The following MOBP variants were observed in gnomAD, a reference collection of about 807,000 sequenced individuals.
MOBP encodes the protein myelin-associated oligodendrocyte basic protein.
A neutral mutation model predicts 15.0 loss-of-function variants in MOBP; 5 were observed. The ratio of observed to expected loss-of-function variants is 0.33; its 90% CI spans 0.17 to 0.70. MOBP has a LOEUF of 0.70. Among genes scored for constraint, MOBP ranks in the 30% least tolerant of loss-of-function variants. The probability of loss-of-function intolerance (pLI) is 0.67; values close to 1 mark genes in which losing one functional copy is unlikely to be tolerated. For missense variants in MOBP, 188 were observed against 257.8 expected, an observed-to-expected ratio of 0.73 and a Z score of 1.85; for synonymous variants, 88 against 99.0, an observed-to-expected ratio of 0.89 and a Z score of 0.66.
At chr3:39,469,044 ATATG>A (rs2042410864) in intron 1 of MOBP, among the ~76,000 whole-genome samples, 1 of 83,582 alleles carries the variant, frequency 1.2e-5, no homozygotes, top group Non-Finnish European at 2.1e-5. Context: ...ACATATATAC[ATATG>A]TGTGTGTATA....
chr3:39,497,716 G>A (rs1349085237), intron 2 of MOBP, among the ~76,000 whole-genome samples: 2 of 152,158 alleles, frequency 1.3e-5, no homozygotes, highest in African/African-American at 2.4e-5. Flanking sequence ...TTACTTCTTC[G>A]CTGTTAGTTA....
rs1356290083 is a variant in MOBP at position 39,502,029 on chromosome 3, A to G, written c.-4-37A>G. 6.4e-7 allele frequency: 1 copy of G among 1,571,320 alleles called. No homozygotes were observed. The highest frequency in any genetic ancestry group is 8.8e-7 in the Non-Finnish European group (1 of 1,142,834). On this transcript the variant is annotated intron_variant, in intron 2 of 3. Transcript: ENST00000684792. This position sits in a 1 kb window ranked among gnomAD's most constrained non-coding sequence, Gnocchi z 6.3. ...GGGCTCCCTTTCCTGATGTGCGTTT[A>G]TGTCTCCTCCTGTCTCCTTGCATCG... is the stretch of plus-strand genomic sequence containing the variant.
rs576854740 is a variant in MOBP at position 39,483,229 on chromosome 3, G to T, written c.-5+3106G>T. Among the ~76,000 whole-genome samples the T allele has an allele frequency of 9.9e-5, 15 of 152,278 alleles. No individual in the cohort carries two copies. In the South Asian group the frequency reaches 2.3e-3, roughly 23 times the overall value. ...GTACTCAGTGACTGCTTTTTTGAAT[G>T]AATGAATGGTTTTAATATAACATGG... On this transcript the variant is annotated intron_variant, in intron 2 of 3. Transcript: ENST00000684792.
At chr3:39,524,915 A>G (rs2043307081), downstream of MOBP, 1 of 152,214 alleles carries the variant, frequency 6.6e-6, no homozygotes, top group African/African-American at 2.4e-5. Context: ...AATTTAGAGG[A>G]CAAAATAAGG....
chr3:39,480,858 A>T (rs1575289401), intron 2 of MOBP, among the ~76,000 whole-genome samples: 1 of 152,168 alleles, frequency 6.6e-6, no homozygotes, highest in Admixed American at 6.5e-5. Context: ...CAGTACCTCA[A>T]ACTACTCCAT....
intron 3 of MOBP, among the ~76,000 whole-genome samples, chr3:39,521,032 C>A (rs1183523357): frequency 6.6e-6 from 1 of 152,032 alleles, no homozygotes; most frequent in Non-Finnish European, 1.5e-5. Context: ...CTGCAACAAC[C>A]TCTGCCTCCC....
chr3:39,480,434 C>T lies in MOBP; in HGVS notation c.-5+311C>T, dbSNP rs113335799. 2.2e-3 allele frequency among the ~76,000 whole-genome samples: 329 copies of T among 152,296 alleles called. 1 individual carries two copies. The highest frequency in any genetic ancestry group is 6.6e-3 in the Admixed American group (101 of 15,302). ...CATTCTCTGATAAACAGACTTCCTC[C>T]CTTTATATTCCCAAACTTTCTGCAG... On this transcript the variant is annotated intron_variant, in intron 2 of 3. Transcript: ENST00000684792.
intron 2 of MOBP, among the ~76,000 whole-genome samples, chr3:39,494,469 G>GT (rs144456255): frequency 1.2e-4 from 18 of 147,024 alleles, no homozygotes; most frequent in East Asian, 2.0e-4. Flanking sequence ...TTTCAAATTT[G>GT]TTTTTTTTTT....
intron 4 of MOBP, among the ~76,000 whole-genome samples, chr3:39,508,934 G>A (rs988733732): frequency 1.3e-5 from 2 of 151,962 alleles, no homozygotes; most frequent in African/African-American, 2.4e-5. Context: ...CCCAGCCTTG[G>A]ATGAACACAA....
At chr3:39,521,641 G>A (rs2043268369) in intron 3 of MOBP, among the ~76,000 whole-genome samples, 2 of 152,076 alleles carry the variant, frequency 1.3e-5, no homozygotes, top group African/African-American at 2.4e-5. Flanking sequence ...TGGCCAACAG[G>A]GTTAATATTT....
chr3:39,475,691 A>C (rs990869344), intron 1 of MOBP, among the ~76,000 whole-genome samples: 8 of 152,082 alleles, frequency 5.3e-5, no homozygotes, highest in African/African-American at 1.7e-4. Flanking sequence ...CTTCTTGCTC[A>C]AATAACTTTG....
At position 39,502,545 on chromosome 3, in the gene MOBP, C is replaced by T. The variant is rs753773041; in HGVS notation, c.217C>T (p.Arg73Cys). ...CACQKTRTSR[R>C]AKSPQRPKQQ... ...TTTTGGCCCTCTCAGAACCAGCCGC[C>T]GTGCCAAGTCCCCTCAGAGGCCCAA... Residue 73 changes from arginine (R) to cysteine (C), a missense_variant, in exon 4 of 4, where the codon CGT (arginine) becomes TGT (cysteine). This residue lies in a region of MOBP where 133 missense variants were observed against 212.5 expected (regional missense o/e 0.63). Transcript: ENST00000684792. The surrounding 1 kb of genome is among the most constrained non-coding windows in gnomAD (Gnocchi z 6.3). 1.1e-5 allele frequency: 17 copies of T among 1,579,160 alleles called. No homozygotes were observed. Among genetic ancestry groups the T allele is most frequent in the African/African-American group, 1.3e-5 (1 of 74,464 alleles).
chr3:39,501,256 T>G (rs562492448), intron 2 of MOBP, among the ~76,000 whole-genome samples: 1 of 152,356 alleles, frequency 6.6e-6, no homozygotes, highest in East Asian at 1.9e-4. Context: ...ACCCTGAGTT[T>G]GTTGAGAGCA....
At chr3:39,492,073 C>T (rs141381415) in intron 2 of MOBP, among the ~76,000 whole-genome samples, 128 of 152,268 alleles carry the variant, frequency 8.4e-4, no homozygotes, top group Middle Eastern at 3.4e-3. Flanking sequence ...CCCAGAATAA[C>T]GCTCTTGGTT....
chr3:39,502,894 C>T lies in MOBP; in HGVS notation c.*14C>T, dbSNP rs1690439048. 8.9e-7 allele frequency: 1 copy of T among 1,117,738 alleles called. No individual in the cohort carries two copies. Among genetic ancestry groups the T allele is most frequent in the East Asian group, 2.6e-5 (1 of 38,846 alleles). 69.2% of individuals were successfully genotyped at this position (1,117,738 alleles called of 1,614,324 possible). ...AGGTTCTGGTAACACCATCTCTTCC[C>T]TTTTGTTCCCCAGCCCTAAGGTTAG... On this transcript the variant is annotated 3_prime_UTR_variant, in exon 4 of 4. Coordinates refer to ENST00000684792, the MANE Select transcript of MOBP (RefSeq NM_001393704.1). This position sits in a 1 kb window ranked among gnomAD's most constrained non-coding sequence, Gnocchi z 6.3.
intron 1 of MOBP, among the ~76,000 whole-genome samples, chr3:39,468,369 C>T (rs1646089757): frequency 6.6e-6 from 1 of 152,146 alleles, no homozygotes; most frequent in East Asian, 1.9e-4. Flanking sequence ...GTCAGGGAGG[C>T]GAGTAATGAA....
intron 2 of MOBP, among the ~76,000 whole-genome samples, chr3:39,487,751 T>C (rs1316653586): frequency 1.3e-5 from 2 of 152,130 alleles, no homozygotes; most frequent in African/African-American, 4.8e-5. Context: ...CTTGATCTCC[T>C]GACCTCGTGA....
intron 1 of MOBP, among the ~76,000 whole-genome samples, chr3:39,468,644 C>T (rs538125919): frequency 6.6e-6 from 1 of 151,756 alleles, no homozygotes; most frequent in Non-Finnish European, 1.5e-5. Flanking sequence ...CTCTTTCTCT[C>T]TCTCTGTATC....
chr3:39,482,466 A>G (rs1388466761), intron 2 of MOBP, among the ~76,000 whole-genome samples: 1 of 152,124 alleles, frequency 6.6e-6, no homozygotes, highest in East Asian at 1.9e-4. Context: ...CCTGGCAAAC[A>G]TGGTGAAACC....
Sources: allele counts gnomAD v4.1 joint callset (sites outside exome capture counted in the v4.1 genomes callset), GRCh38; gene constraint gnomAD v4.1.1; regional missense constraint gnomAD v4.1.1; non-coding constraint Gnocchi (gnomAD v3.1); transcripts MANE v1.5; gene names NCBI Gene and HGNC (gene_info 2026-07-23, HGNC 2026-07-21).